Variants in GAN observed in about 807,000 individuals in gnomAD.
The protein encoded by GAN is epididymis secretory sperm binding protein.
A neutral mutation model predicts 71.3 loss-of-function variants in GAN; 48 were observed. That is an observed-to-expected ratio of 0.67 (90% CI 0.53 to 0.86). The LOEUF (loss-of-function observed/expected upper bound fraction) is 0.86. Ranked by LOEUF, GAN falls within the 40% of genes least tolerant of loss-of-function variation. GAN has a pLI of 0.00. For synonymous variants in GAN, 386 were observed against 276.8 expected (o/e 1.39, Z -3.92); for missense variants, 928 against 770.1 (o/e 1.21, Z -2.43).
rs1395855305 is a variant in GAN, at chr16:81,381,786, T to G, written c.*4190T>G. On this transcript the variant is annotated 3_prime_UTR_variant, in exon 11 of 11. Transcript: ENST00000648994. ...TCTTGTGATCAAAGTAATGTTCTTC[T>G]GTTGAAAAGGGCACTCCAAGAGTGA... 6.6e-6 allele frequency: 1 copy of G among 152,248 alleles called. No individual in the cohort carries two copies. The highest frequency in any genetic ancestry group is 1.5e-5 in the Non-Finnish European group (1 of 68,048). The allele number at this position is 152,248 out of a possible 1,614,324, so 9.4% of individuals were successfully genotyped here.
chr16:81,369,798 C>T (rs1038916755), intron 9 of GAN, among the ~76,000 whole-genome samples: 1 of 151,908 alleles, frequency 6.6e-6, no homozygotes, highest in Admixed American at 6.6e-5. Context: ...TCTCGATCTC[C>T]TGACCTCTTG....
chr16:81,372,692 G>C lies in GAN; in HGVS notation c.1503-4527G>C, dbSNP rs572803279. Among the ~76,000 whole-genome samples the C allele has an allele frequency of 1.4e-4, 21 of 152,260 alleles. No individual in the cohort carries two copies. In the South Asian group the frequency reaches 3.3e-3, roughly 24 times the overall value. ...TCTTAGGTTAATACAGTCATTCCGG[G>C]GATGAACTATGTTGGTTGGTTTCAT... On this transcript the variant is annotated intron_variant, in intron 9 of 10. Transcript: ENST00000648994.
chr16:81,345,092 C>G (rs546384108), intron 1 of GAN, among the ~76,000 whole-genome samples: 68 of 152,094 alleles, frequency 4.5e-4, no homozygotes, highest in Non-Finnish European at 8.2e-4. Context: ...ATTAAAAAGT[C>G]AGGAAAAAAC....
intron 1 of GAN, among the ~76,000 whole-genome samples, chr16:81,318,114 G>A (rs954236063): frequency 6.6e-6 from 1 of 152,150 alleles, no homozygotes; most frequent in East Asian, 1.9e-4. Context: ...CTTTTATAAT[G>A]TACTTGTTTG....
At chr16:81,327,417 G>C (rs1199260617) in intron 1 of GAN, among the ~76,000 whole-genome samples, 1 of 152,156 alleles carries the variant, frequency 6.6e-6, no homozygotes, top group Non-Finnish European at 1.5e-5. Context: ...GGGGTGTACT[G>C]GAGGCTGTAG....
At chr16:81,362,321 A>G (rs1012841755) in intron 5 of GAN, among the ~76,000 whole-genome samples, 178 bp from the exon 6 acceptor site, 5 of 152,226 alleles carry the variant, frequency 3.3e-5, no homozygotes, top group Admixed American at 2.6e-4. Context: ...CAAAATGGTC[A>G]AAGTGATGGT....
At position 81,382,046 on chromosome 16, in the gene GAN, G is replaced by T. The variant is rs1397001112; in HGVS notation, c.*4450G>T. 1 of 152,074 alleles carries T rather than the reference G, an allele frequency of 6.6e-6. No individual in the cohort carries two copies. The highest frequency in any genetic ancestry group is 2.4e-5 in the African/African-American group (1 of 41,408). The allele number at this position is 152,074 out of a possible 1,614,324, so 9.4% of individuals were successfully genotyped here. On this transcript the variant is annotated 3_prime_UTR_variant, in exon 11 of 11. Transcript: ENST00000648994. ...TATAATGTTGATCATGTTTAGTATTGGGCTTTATTGACTGCTTTTTATATG... is the reference window on the plus strand; with the variant it reads ...TATAATGTTGATCATGTTTAGTATTTGGCTTTATTGACTGCTTTTTATATG...
intron 9 of GAN, among the ~76,000 whole-genome samples, chr16:81,366,660 A>C (rs1409346646): frequency 6.6e-6 from 1 of 152,076 alleles, no homozygotes; most frequent in Non-Finnish European, 1.5e-5. Context: ...GTATTTGCAT[A>C]GCCTTTTTTT....
At chr16:81,328,856 A>C (rs904517486) in intron 1 of GAN, among the ~76,000 whole-genome samples, 1 of 152,192 alleles carries the variant, frequency 6.6e-6, no homozygotes, top group Non-Finnish European at 1.5e-5. Context: ...TGTGCTTTGC[A>C]AGCCACATGT....
At position 81,378,140 on chromosome 16, in the gene GAN, C is replaced by G. The variant is rs141552591; in HGVS notation, c.*544C>G. The G allele has an allele frequency of 2.2e-4, 36 of 167,320 alleles. No individual in the cohort carries two copies. In the East Asian group the frequency reaches 5.4e-3, roughly 25 times the overall value. 10.4% of individuals were successfully genotyped at this position (167,320 alleles called of 1,614,324 possible). Reference sequence around the variant, plus strand: ...GTATGCCAGTTAGTCTCCATTTATTCCTAGTACTCTGTCCTAAGAATCTTT... The same window carrying G: ...GTATGCCAGTTAGTCTCCATTTATTGCTAGTACTCTGTCCTAAGAATCTTT... On this transcript the variant is annotated 3_prime_UTR_variant, in exon 11 of 11. Coordinates refer to ENST00000648994, the MANE Select transcript of GAN (RefSeq NM_022041.4).
intron 1 of GAN, among the ~76,000 whole-genome samples, chr16:81,325,698 T>A (rs16955027): frequency 0.025 from 3,828 of 152,000 alleles, 80 homozygotes; most frequent in East Asian, 0.082. Context: ...AAGGAGGAAA[T>A]CAACTGGATG....
rs1372682528 is a variant in GAN, at chr16:81,389,545, A to G, written c.*11949A>G. 6.6e-6 allele frequency: 1 copy of G among 152,224 alleles called. No homozygotes were observed. The highest frequency in any genetic ancestry group is 1.5e-5 in the Non-Finnish European group (1 of 68,050). 9.4% of individuals were successfully genotyped at this position (152,224 alleles called of 1,614,324 possible). A position where few individuals can be genotyped will look rare whatever the true frequency, so the allele number is the denominator to read the frequency against. On this transcript the variant is annotated 3_prime_UTR_variant, in exon 11 of 11. Coordinates refer to ENST00000648994, the MANE Select transcript of GAN (RefSeq NM_022041.4). The stretch of plus-strand genomic sequence containing the variant: ...ACGGTATCGCGGATGCTCCTCAGGT[A>G]GGCGTAGGCAGACTTCATTGTGTGT...
At chr16:81,373,330 G>T (rs1215728186) in intron 9 of GAN, among the ~76,000 whole-genome samples, 7 of 152,178 alleles carry the variant, frequency 4.6e-5, no homozygotes, top group Admixed American at 4.6e-4. Context: ...AGTCCACTGT[G>T]ACCTGGCTAT....
Position 81,390,252 on chromosome 16 carries a change from C to T in GAN, c.*12656C>T, listed in dbSNP as rs192920655. 6.6e-6 allele frequency: 1 copy of T among 152,272 alleles called. No individual in the cohort carries two copies. The highest frequency in any genetic ancestry group is 2.4e-5 in the African/African-American group (1 of 41,558). The allele number at this position is 152,272 out of a possible 1,614,324, so 9.4% of individuals were successfully genotyped here. A position where few individuals can be genotyped will look rare whatever the true frequency, so the allele number is the denominator to read the frequency against. ...TCAGTAGGATAGTAGAGAAGTCGTGCTAAGTTGATTTCATTGAAATGTCAC... is the reference window on the plus strand; with the variant it reads ...TCAGTAGGATAGTAGAGAAGTCGTGTTAAGTTGATTTCATTGAAATGTCAC... On this transcript the variant is annotated 3_prime_UTR_variant, in exon 11 of 11. Transcript: ENST00000648994.
intron 1 of GAN, among the ~76,000 whole-genome samples, chr16:81,349,866 G>T (rs1211695389): frequency 1.8e-4 from 27 of 152,070 alleles, no homozygotes; most frequent in Non-Finnish European, 4.4e-5. Flanking sequence ...TTAGGTAGCA[G>T]GTAACACAGT....
intron 3 of GAN, among the ~76,000 whole-genome samples, chr16:81,356,302 A>G (rs1444106347): frequency 2.0e-5 from 3 of 152,182 alleles, no homozygotes; most frequent in African/African-American, 4.8e-5. Context: ...AAATGATTAT[A>G]TAGTACTCAG....
chr16:81,317,066 C>T (rs953124025), intron 1 of GAN, among the ~76,000 whole-genome samples: 1 of 151,598 alleles, frequency 6.6e-6, no homozygotes, highest in African/African-American at 2.4e-5. Flanking sequence ...ACCATGTTGG[C>T]CAGGCTGGTC....
At position 81,363,797 on chromosome 16, in the gene GAN, A is replaced by G; in HGVS notation, c.1090A>G (p.Arg364Gly). ...GGGATCGCTAATGTAATTTCAGGCA[A>G]GACATAACTTCGGAATTGTGGAGAT... ...WTALPPMNEA[R>G]HNFGIVEIDG... Residue 364 changes from arginine to glycine, a missense_variant, in exon 7 of 11, where the codon AGA becomes GGA. Arg to Gly is a moderately radical substitution (Grantham distance 125). Transcript: ENST00000648994. 1 of 1,613,722 alleles carries G rather than the reference A, an allele frequency of 6.2e-7. No individual in the cohort carries two copies.
chr16:81,368,954 G>A (rs1490807183), intron 9 of GAN, among the ~76,000 whole-genome samples: 1 of 152,094 alleles, frequency 6.6e-6, no homozygotes, highest in African/African-American at 2.4e-5. Context: ...CCTACTCAGG[G>A]TTCTCCATGA....
Sources: gnomAD v4.1 joint callset for allele counts (sites outside exome capture counted in the v4.1 genomes callset) on GRCh38, gnomAD v4.1.1 for gene constraint, MANE v1.5 for transcripts, NCBI Gene and HGNC (gene_info 2026-07-23, HGNC 2026-07-21) for gene names.